The following RFX7 variants were observed in gnomAD, a reference collection of about 807,000 sequenced individuals.
The protein encoded by RFX7 is regulatory factor X7, also known as DNA-binding protein RFX7.
RFX7 carries 26 observed loss-of-function variants against 111.8 expected under a neutral mutation model. The observed-to-expected ratio is 0.23, with a 90% CI of 0.17 to 0.32. The LOEUF (loss-of-function observed/expected upper bound fraction) is 0.32. Among genes scored for constraint, RFX7 ranks in the 10% least tolerant of loss-of-function variants. The pLI is 1.00. For missense variants in RFX7, 1,573 were observed against 1,772.9 expected, an observed-to-expected ratio of 0.89 and a Z score of 2.02; for synonymous variants, 624 against 624.4, an observed-to-expected ratio of 1.00 and a Z score of 0.01.
chr15:56,199,706 G>C (rs372110444), intron 2 of RFX7, among the ~76,000 whole-genome samples: 6 of 152,008 alleles, frequency 3.9e-5, no homozygotes, highest in African/African-American at 1.5e-4. Context: ...ACATGGTCTT[G>C]ACAGGAAGAA....
At chr15:56,163,740 T>A (rs2042751628) in intron 3 of RFX7, among the ~76,000 whole-genome samples, 1 of 152,212 alleles carries the variant, frequency 6.6e-6, no homozygotes, top group Admixed American at 6.5e-5. Context: ...CATTATTCTT[T>A]GTTATATACT....
chr15:56,196,941 T>C (rs2141173497), intron 2 of RFX7, among the ~76,000 whole-genome samples: 1 of 152,266 alleles, frequency 6.6e-6, no homozygotes, highest in African/African-American at 2.4e-5. Flanking sequence ...CACACTACAG[T>C]ATGTTGATCT....
intron 2 of RFX7, 103 bp downstream of exon 2, chr15:56,243,021 TG>T: frequency 2.6e-6 from 2 of 764,236 alleles, no homozygotes; most frequent in Non-Finnish European, 3.9e-6. Context: ...ATTCAATGAA[TG>T]CATCAGCCTC....
intron 2 of RFX7, among the ~76,000 whole-genome samples, chr15:56,238,493 T>A (rs2043649183): frequency 6.6e-6 from 1 of 152,190 alleles, no homozygotes. Context: ...CCCCAGCATT[T>A]TTTCCAGGGT....
chr15:56,098,981 T>C (rs1435747514), intron 8 of RFX7, among the ~76,000 whole-genome samples: 5 of 152,172 alleles, frequency 3.3e-5, no homozygotes, highest in Non-Finnish European at 7.4e-5. Flanking sequence ...AAGCAGAATT[T>C]CTTAACAAGA....
At chr15:56,208,829 A>G (rs72738667) in intron 2 of RFX7, among the ~76,000 whole-genome samples, 19,719 of 152,066 alleles carry the variant, frequency 0.13, 1,642 homozygotes, top group East Asian at 0.43. Flanking sequence ...CTTGGTAGAA[A>G]CCACCAAATT....
chr15:56,163,361 T>C (rs1223383542), intron 3 of RFX7, among the ~76,000 whole-genome samples: 1 of 152,166 alleles, frequency 6.6e-6, no homozygotes, highest in South Asian at 2.1e-4. Flanking sequence ...AGTAGGTCTG[T>C]TTCTCAGGAA....
At chr15:56,218,188 C>G (rs1302675580) in intron 2 of RFX7, among the ~76,000 whole-genome samples, 1 of 82,374 alleles carries the variant, frequency 1.2e-5, no homozygotes, top group Non-Finnish European at 2.1e-5. Flanking sequence ...GAGTCTTGCT[C>G]TTGTTGCCCA....
chr15:56,203,794 T>A (rs1211292824), intron 2 of RFX7, among the ~76,000 whole-genome samples: 1 of 152,158 alleles, frequency 6.6e-6, no homozygotes, highest in African/African-American at 2.4e-5. Flanking sequence ...GAAGCATGAA[T>A]AATCCACCCC....
chr15:56,120,872 A>G (rs2042069554), intron 5 of RFX7, among the ~76,000 whole-genome samples: 1 of 152,234 alleles, frequency 6.6e-6, no homozygotes, highest in Non-Finnish European at 1.5e-5. Context: ...AAAGAGAACT[A>G]ATAAAACCTT....
chr15:56,160,242 T>C (rs1020783433), intron 3 of RFX7, among the ~76,000 whole-genome samples: 2 of 152,124 alleles, frequency 1.3e-5, no homozygotes, highest in African/African-American at 4.8e-5. Context: ...CCTTCCAAAG[T>C]ACTGGCCAGG....
At chr15:56,206,468 G>A (rs2043253111) in intron 2 of RFX7, among the ~76,000 whole-genome samples, 1 of 152,066 alleles carries the variant, frequency 6.6e-6, no homozygotes. Flanking sequence ...ACTAAAAATA[G>A]AGATTCCATA....
chr15:56,175,049 T>C (rs1331220981), intron 3 of RFX7, among the ~76,000 whole-genome samples: 5 of 152,166 alleles, frequency 3.3e-5, no homozygotes, highest in African/African-American at 1.2e-4. Flanking sequence ...GTAGATAATA[T>C]GATTGAGTGG....
chr15:56,201,293 C>T lies in RFX7; in HGVS notation c.162-21990G>A, dbSNP rs16976818. On this transcript the variant is annotated intron_variant, in intron 2 of 9. Coordinates refer to ENST00000559447, the MANE Select transcript of RFX7 (RefSeq NM_022841.7). The stretch of plus-strand genomic sequence containing the variant: ...GCCAAGTTCAATGTCCTGTAGTCCT[C>T]CACTTAAACCCAAGAATCACAGAAC... Among the ~76,000 whole-genome samples, 1,419 of 152,240 alleles carry T rather than the reference C, an allele frequency of 9.3e-3. 119 individuals carry two copies. The East Asian group carries it at 0.23, about 24-fold the overall frequency.
intron 2 of RFX7, among the ~76,000 whole-genome samples, chr15:56,204,279 A>C (rs1324606205): frequency 6.6e-6 from 1 of 152,098 alleles, no homozygotes; most frequent in Non-Finnish European, 1.5e-5. Context: ...TTGGCCTCCC[A>C]AAGTGTTGGG....
chr15:56,201,673 T>A (rs990313377), intron 2 of RFX7, among the ~76,000 whole-genome samples: 14 of 152,154 alleles, frequency 9.2e-5, no homozygotes, highest in Non-Finnish European at 1.8e-4. Context: ...CTGGTAGTAG[T>A]CTCTTTTTGG....
intron 3 of RFX7, among the ~76,000 whole-genome samples, chr15:56,148,549 A>C (rs1199518858): frequency 2.6e-5 from 4 of 152,196 alleles, no homozygotes; most frequent in African/African-American, 9.7e-5. Context: ...GAATCCTGCC[A>C]CGCAACCCCC....
intron 2 of RFX7, among the ~76,000 whole-genome samples, chr15:56,215,400 T>C (rs1316893709): frequency 6.6e-6 from 1 of 152,258 alleles, no homozygotes; most frequent in Non-Finnish European, 1.5e-5. Context: ...AAGTGTTTTA[T>C]CATAAAACAG....
At position 56,087,548 on chromosome 15, in the gene RFX7, C is replaced by CT. The variant is rs763555782; in HGVS notation, c.*5796dup. The CT allele has an allele frequency of 6.3e-4, 287 of 456,696 alleles. 1 individual carries two copies. The highest frequency in any genetic ancestry group is 8.1e-4 in the Non-Finnish European group (183 of 226,958). 28.3% of individuals were successfully genotyped at this position (456,696 alleles called of 1,614,324 possible). On this transcript the variant is annotated 3_prime_UTR_variant, in exon 10 of 10. Coordinates refer to ENST00000559447, the MANE Select transcript of RFX7 (RefSeq NM_022841.7). ...GCACCCAAACCTTTTGGTTACATCT[C>CT]TTTGAGTACTTGGTAAGTGTCTCCA...
Sources: allele counts gnomAD v4.1 joint callset (sites outside exome capture counted in the v4.1 genomes callset), GRCh38; gene constraint gnomAD v4.1.1; transcripts MANE v1.5; gene names NCBI Gene and HGNC (gene_info 2026-07-23, HGNC 2026-07-21).